The following RFWD3 variants were observed in gnomAD, a reference collection of about 807,000 sequenced individuals.
RFWD3 encodes the protein ring finger and WD repeat domain 3, also known as E3 ubiquitin-protein ligase RFWD3.
Under a neutral mutation model 87.7 loss-of-function variants are expected in RFWD3, and 65 were observed. The ratio of observed to expected loss-of-function variants is 0.74; its 90% confidence interval spans 0.61 to 0.91. RFWD3 has a LOEUF of 0.91. RFWD3 is among the 40% of genes least tolerant of loss of function. The probability of loss-of-function intolerance (pLI) is 0.00; values close to 1 mark genes in which losing one functional copy is unlikely to be tolerated. For missense variants in RFWD3, 1,078 were observed against 938.5 expected (o/e 1.15, Z -1.94); for synonymous variants, 433 against 352.8 (o/e 1.23, Z -2.55).
chr16:74,660,943 T>C lies in RFWD3; in HGVS notation c.507A>G (p.Thr169=), dbSNP rs1248968362. 1.2e-5 allele frequency: 20 copies of C among 1,612,754 alleles called. No individual in the cohort carries two copies. Among genetic ancestry groups the C allele is most frequent in the Admixed American group, 8.3e-5 (5 of 59,954 alleles). Residue 169 remains threonine, a synonymous_variant, in exon 2 of 13, where the codon ACA becomes ACG. Transcript: ENST00000361070. ...ATATATTTATTTACCTGGCACTGTC[T>C]GTCCTCTGAGACCCTCCGGCTCTTG... ...RRARAGGSQR[T]DSARLRAPLD...
At chr16:74,655,662 C>T (rs751507735) in intron 2 of RFWD3, among the ~76,000 whole-genome samples, 2 of 151,820 alleles carry the variant, frequency 1.3e-5, no homozygotes, top group Non-Finnish European at 2.9e-5. Flanking sequence ...CTCTGTCACC[C>T]AGGCTGCAGT....
intron 10 of RFWD3, among the ~76,000 whole-genome samples, chr16:74,629,106 G>C (rs1168088984): frequency 6.6e-6 from 1 of 152,174 alleles, no homozygotes; most frequent in Non-Finnish European, 1.5e-5. Context: ...TTTTAATTCA[G>C]AAACAGGACT....
At chr16:74,652,723 A>T (rs937915908) in intron 2 of RFWD3, among the ~76,000 whole-genome samples, 26 of 152,208 alleles carry the variant, frequency 1.7e-4, no homozygotes, top group Non-Finnish European at 5.9e-5. Flanking sequence ...CACTCCAAAT[A>T]TATCTTGGCT....
chr16:74,659,628 T>C (rs1175289357), intron 2 of RFWD3, among the ~76,000 whole-genome samples: 1 of 150,300 alleles, frequency 6.7e-6, no homozygotes, highest in Non-Finnish European at 1.5e-5. Flanking sequence ...GTAATATGCA[T>C]TTGCAACTCT....
intron 8 of RFWD3, 50 bp from the exon 9 acceptor site, chr16:74,632,723 G>C (rs1205825328): frequency 3.8e-6 from 6 of 1,574,746 alleles, no homozygotes; most frequent in Non-Finnish European, 4.3e-6. Context: ...TGAACCTAGG[G>C]CAATTCAAAC....
intron 2 of RFWD3, 75 bp from the exon 3 acceptor site, chr16:74,652,197 G>A: frequency 3.7e-6 from 5 of 1,357,704 alleles, no homozygotes. Context: ...GTGATTTGAA[G>A]TAAATCCTAT....
chr16:74,655,252 T>A (rs1484849900), intron 2 of RFWD3, among the ~76,000 whole-genome samples: 1 of 152,066 alleles, frequency 6.6e-6, no homozygotes, highest in Non-Finnish European at 1.5e-5. Context: ...GATGCTCTTT[T>A]TTTTTGAGAC....
chr16:74,661,455 G>C lies in RFWD3; in HGVS notation c.-2-4C>G, dbSNP rs759844725. 9.4e-6 allele frequency: 15 copies of C among 1,589,398 alleles called. No individual in the cohort carries two copies. In the East Asian group the frequency reaches 2.7e-4, roughly 28 times the overall value. Reference sequence around the variant, plus strand: ...TCCATTGCTTCATGAGCCATCACTAGAGAAACAGTATTTGTAAAAAGTATT... The same window carrying C: ...TCCATTGCTTCATGAGCCATCACTACAGAAACAGTATTTGTAAAAAGTATT... On this transcript the variant is annotated splice_polypyrimidine_tract_variant and splice_region_variant and intron_variant, in intron 1 of 12. Coordinates refer to ENST00000361070, the MANE Select transcript of RFWD3 (RefSeq NM_018124.4).
chr16:74,624,989 A>C (rs1958884198), intron 12 of RFWD3, among the ~76,000 whole-genome samples: 1 of 152,022 alleles, frequency 6.6e-6, no homozygotes, highest in Non-Finnish European at 1.5e-5. Flanking sequence ...CTGTCACTTA[A>C]AAACAAACAA....
chr16:74,651,604 G>C (rs1256428707), intron 3 of RFWD3, among the ~76,000 whole-genome samples: 1 of 152,094 alleles, frequency 6.6e-6, no homozygotes, highest in African/African-American at 2.4e-5. Flanking sequence ...GTCACTGGGG[G>C]ACAGAGCCAG....
At chr16:74,645,658 T>TTATC (rs1432541083) in intron 4 of RFWD3, among the ~76,000 whole-genome samples, 3 of 151,094 alleles carry the variant, frequency 2.0e-5, no homozygotes, top group African/African-American at 7.3e-5. Flanking sequence ...CAGCCTGGTA[T>TTATC]TATCATCTAA....
At position 74,647,612 on chromosome 16, in the gene RFWD3, G is replaced by A. The variant is rs532127682; in HGVS notation, c.792+1520C>T. Reference sequence around the variant, plus strand: ...CAACATTATTATTACTATTCTTTGAGATGAAGTCGTGCTCCGTCTCCCAAG... The same window carrying A: ...CAACATTATTATTACTATTCTTTGAAATGAAGTCGTGCTCCGTCTCCCAAG... On this transcript the variant is annotated intron_variant, in intron 4 of 12. Transcript: ENST00000361070. 5.3e-5 allele frequency among the ~76,000 whole-genome samples: 8 copies of A among 151,474 alleles called. No individual in the cohort carries two copies. In the East Asian group the frequency reaches 1.4e-3, roughly 26 times the overall value.
In RFWD3 at chr16:74,644,624, G is replaced by A; in HGVS notation, c.904C>T (p.Leu302Phe). 1 of 1,614,210 alleles carries A rather than the reference G, an allele frequency of 6.2e-7. No homozygotes were observed. The highest frequency in any genetic ancestry group is 1.1e-5 in the South Asian group (1 of 91,084). The stretch of plus-strand genomic sequence containing the variant: ...AGATGCCCACAGCGTAATGCTGAGA[G>A]CCGGTGGTCCCCAGCATTGGTCCAC... ...EQWTNAGDHRLSALRCGHLFG... is the reference protein window; with the variant it reads ...EQWTNAGDHRFSALRCGHLFG... The change falls in exon 5 of 13, where the codon CTC becomes TTC. Residue 302 changes from leucine (L) to phenylalanine (F), a missense_variant. Coordinates refer to ENST00000361070, the MANE Select transcript of RFWD3 (RefSeq NM_018124.4).
At chr16:74,643,143 C>G (rs185827113) in intron 6 of RFWD3, among the ~76,000 whole-genome samples, 1 of 151,854 alleles carries the variant, frequency 6.6e-6, no homozygotes, top group Admixed American at 6.5e-5. Context: ...AGCTTTTTTT[C>G]TTTCTTTTAA....
rs537016378 is a variant in RFWD3 at position 74,641,288 on chromosome 16, G to A, written c.1079+3074C>T. On this transcript the variant is annotated intron_variant, in intron 6 of 12. Transcript: ENST00000361070. ...AGCTATCCTCCTGCCTCAGTCTCCC[G>A]AGTAGCTGGGACTACAGGTGCGTGC... is the stretch of plus-strand genomic sequence containing the variant. Among the ~76,000 whole-genome samples, 34 of 151,862 alleles carry A rather than the reference G, an allele frequency of 2.2e-4. No individual in the cohort carries two copies. The South Asian group carries it at 5.0e-3, about 22-fold the overall frequency.
chr16:74,648,539 G>C (rs527505597), intron 4 of RFWD3, among the ~76,000 whole-genome samples: 1 of 151,306 alleles, frequency 6.6e-6, no homozygotes, highest in Non-Finnish European at 1.5e-5. Flanking sequence ...TTGGGAGGCC[G>C]AGGTGGGTGG....
At chr16:74,664,575 C>T (rs1266144625) in intron 1 of RFWD3, 4 of 152,030 alleles carry the variant, frequency 2.6e-5, no homozygotes, top group South Asian at 2.1e-4. Flanking sequence ...GGCAAAACCC[C>T]GTCTCTACAA....
chr16:74,642,660 T>G (rs1959762857), intron 6 of RFWD3, among the ~76,000 whole-genome samples: 1 of 152,022 alleles, frequency 6.6e-6, no homozygotes, highest in Non-Finnish European at 1.5e-5. Context: ...CACGGATAAT[T>G]TTTTTCATTT....
chr16:74,641,664 C>T (rs1285747087), intron 6 of RFWD3, among the ~76,000 whole-genome samples: 1 of 151,946 alleles, frequency 6.6e-6, no homozygotes, highest in Non-Finnish European at 1.5e-5. Context: ...GTGCCTCACG[C>T]CTGTAATCTC....
Sources: gnomAD v4.1 joint callset for allele counts (sites outside exome capture counted in the v4.1 genomes callset) on GRCh38, gnomAD v4.1.1 for gene constraint, MANE v1.5 for transcripts, NCBI Gene and HGNC (gene_info 2026-07-23, HGNC 2026-07-21) for gene names.